CDKAL1: variants seen among roughly 807,000 people sequenced by gnomAD.
The protein encoded by CDKAL1 is threonylcarbamoyladenosine tRNA methylthiotransferase.
CDKAL1 carries 32 observed loss-of-function variants against 68.2 expected under a neutral mutation model. That is an observed-to-expected ratio of 0.47 (90% CI 0.35 to 0.63). CDKAL1 has a LOEUF of 0.63. Ranked by LOEUF, CDKAL1 falls within the 30% of genes least tolerant of loss-of-function variation. CDKAL1 has a pLI of 0.00. For synonymous variants in CDKAL1, 234 were observed against 244.3 expected, an observed-to-expected ratio of 0.96 and a Z score of 0.39; for missense variants, 606 against 696.7, an observed-to-expected ratio of 0.87 and a Z score of 1.47.
chr6:20,940,608 G>A (rs1763923339), intron 9 of CDKAL1, among the ~76,000 whole-genome samples: 1 of 152,174 alleles, frequency 6.6e-6, no homozygotes, highest in African/African-American at 2.4e-5. Context: ...AGGCTGGAGT[G>A]CAAAATGGCT....
intron 15 of CDKAL1, among the ~76,000 whole-genome samples, chr6:21,220,416 A>G (rs1352692466): frequency 6.6e-6 from 1 of 152,200 alleles, no homozygotes; most frequent in African/African-American, 2.4e-5. Context: ...AAATTTAAAC[A>G]ATGAGGAAGC....
intron 9 of CDKAL1, among the ~76,000 whole-genome samples, chr6:20,877,673 C>G (rs1319820190): frequency 6.6e-6 from 1 of 152,232 alleles, no homozygotes; most frequent in Non-Finnish European, 1.5e-5. Context: ...TACTCTTACT[C>G]ATGCACACAT....
chr6:21,006,005 G>A (rs1767704657), intron 11 of CDKAL1, among the ~76,000 whole-genome samples: 1 of 152,072 alleles, frequency 6.6e-6, no homozygotes, highest in Non-Finnish European at 1.5e-5. Flanking sequence ...GTATTACTTG[G>A]CTTTATGGCA....
intron 13 of CDKAL1, among the ~76,000 whole-genome samples, chr6:21,174,254 A>G (rs1777497843): frequency 5.3e-5 from 8 of 152,250 alleles, no homozygotes; most frequent in Admixed American, 5.2e-4. Flanking sequence ...TGAAGACTAT[A>G]ACAGATAATG....
At chr6:20,836,244 C>A (rs912279030) in intron 8 of CDKAL1, among the ~76,000 whole-genome samples, 10 of 152,174 alleles carry the variant, frequency 6.6e-5, no homozygotes, top group Non-Finnish European at 1.2e-4. Context: ...GATTATGTTA[C>A]AAAGGCTATC....
intron 5 of CDKAL1, among the ~76,000 whole-genome samples, chr6:20,673,069 G>A (rs542570077): frequency 2.6e-5 from 4 of 152,330 alleles, no homozygotes; most frequent in South Asian, 2.1e-4. Flanking sequence ...GAGCCACAGC[G>A]CCTGGCTGGA....
intron 8 of CDKAL1, among the ~76,000 whole-genome samples, chr6:20,812,717 G>A (rs9358373): frequency 0.96 from 146,020 of 152,312 alleles, 70,005 homozygotes; most frequent in East Asian, 1. Flanking sequence ...TATATATGAT[G>A]ACTGAGTTCT....
chr6:20,646,953 C>T (rs1206450009), intron 4 of CDKAL1, among the ~76,000 whole-genome samples: 2 of 152,106 alleles, frequency 1.3e-5, no homozygotes, highest in Admixed American at 1.3e-4. Flanking sequence ...TCATGTTGGC[C>T]AGGCTGGTCT....
At chr6:20,940,049 C>G (rs1016596013) in intron 9 of CDKAL1, among the ~76,000 whole-genome samples, 1 of 152,080 alleles carries the variant, frequency 6.6e-6, no homozygotes, top group Non-Finnish European at 1.5e-5. Context: ...ACAATAGTCT[C>G]TATTTTGTAA....
At chr6:20,897,860 C>T (rs1254659732) in intron 9 of CDKAL1, among the ~76,000 whole-genome samples, 1 of 151,578 alleles carries the variant, frequency 6.6e-6, no homozygotes, top group Non-Finnish European at 1.5e-5. Flanking sequence ...ATTAAAAGTA[C>T]ATTTATTTCA....
chr6:21,019,362 A>G (rs899219046), intron 11 of CDKAL1, among the ~76,000 whole-genome samples: 2 of 152,232 alleles, frequency 1.3e-5, no homozygotes, highest in East Asian at 1.9e-4. Context: ...CTTATTTTTT[A>G]AGAGAAATCA....
intron 13 of CDKAL1, among the ~76,000 whole-genome samples, chr6:21,133,665 A>G (rs906277721): frequency 2.0e-5 from 3 of 152,198 alleles, no homozygotes; most frequent in Non-Finnish European, 4.4e-5. Context: ...CTTAATATGT[A>G]CCCATACATA....
At chr6:20,579,080 C>T (rs552161739) in intron 4 of CDKAL1, among the ~76,000 whole-genome samples, 26 of 152,256 alleles carry the variant, frequency 1.7e-4, no homozygotes, top group South Asian at 1.7e-3. Flanking sequence ...TGGGTTCAAG[C>T]GATTCTCCTG....
intron 13 of CDKAL1, among the ~76,000 whole-genome samples, chr6:21,150,173 T>A (rs1776349177): frequency 6.6e-6 from 1 of 152,194 alleles, no homozygotes; most frequent in African/African-American, 2.4e-5. Context: ...TGAACGTTTC[T>A]GTTCCAACTA....
chr6:20,990,361 A>G (rs1052550188), intron 10 of CDKAL1, among the ~76,000 whole-genome samples: 2 of 152,260 alleles, frequency 1.3e-5, no homozygotes, highest in Non-Finnish European at 1.5e-5. Flanking sequence ...GTGTATTTCT[A>G]TCTTCATAAT....
At chr6:20,882,745 A>G (rs950230454) in intron 9 of CDKAL1, among the ~76,000 whole-genome samples, 1 of 152,162 alleles carries the variant, frequency 6.6e-6, no homozygotes, top group Non-Finnish European at 1.5e-5. Flanking sequence ...AGCCACTATA[A>G]ACATTCACAT....
chr6:21,160,711 A>T (rs1776889591), intron 13 of CDKAL1, among the ~76,000 whole-genome samples: 1 of 145,876 alleles, frequency 6.9e-6, no homozygotes, highest in African/African-American at 2.5e-5. Flanking sequence ...ATGTATATAT[A>T]TTTTTTAACT....
At chr6:20,959,328 G>A (rs2150733983) in intron 10 of CDKAL1, among the ~76,000 whole-genome samples, 1 of 152,184 alleles carries the variant, frequency 6.6e-6, no homozygotes, top group South Asian at 2.1e-4. Context: ...CTCTGGAATT[G>A]AAGAAATATA....
At chr6:20,787,917 T>C (rs1775743413) in intron 8 of CDKAL1, among the ~76,000 whole-genome samples, 1 of 152,240 alleles carries the variant, frequency 6.6e-6, no homozygotes, top group Non-Finnish European at 1.5e-5. Flanking sequence ...TCTGTCACTA[T>C]ATATAGTTTG....
Sources: gnomAD v4.1 joint callset for allele counts (sites outside exome capture counted in the v4.1 genomes callset) on GRCh38, gnomAD v4.1.1 for gene constraint, MANE v1.5 for transcripts, NCBI Gene and HGNC (gene_info 2026-07-23, HGNC 2026-07-21) for gene names.